The following CAMK1G variants were observed in gnomAD, a reference collection of about 807,000 sequenced individuals.
CAMK1G encodes calcium/calmodulin-dependent protein kinase type 1G.
A neutral mutation model predicts 54.8 loss-of-function variants in CAMK1G; 27 were observed. That is an observed-to-expected ratio of 0.49 (90% CI 0.36 to 0.68). The LOEUF is 0.68. Among genes scored for constraint, CAMK1G ranks in the 30% least tolerant of loss-of-function variants. CAMK1G has a pLI of 0.00. For missense variants in CAMK1G, 512 were observed against 591.0 expected, an observed-to-expected ratio of 0.87 and a Z score of 1.39; for synonymous variants, 238 against 224.9, an observed-to-expected ratio of 1.06 and a Z score of -0.52.
At chr1:209,601,034 G>A (rs1425942011) in intron 3 of CAMK1G, among the ~76,000 whole-genome samples, 1 of 152,206 alleles carries the variant, frequency 6.6e-6, no homozygotes, top group African/African-American at 2.4e-5. Context: ...GATCTTAGAT[G>A]CCATGATAAG....
intron 1 of CAMK1G, among the ~76,000 whole-genome samples, chr1:209,588,761 G>A (rs1337588264): frequency 6.6e-6 from 1 of 152,184 alleles, no homozygotes; most frequent in Non-Finnish European, 1.5e-5. Context: ...AATGAAGCTG[G>A]AAAAGGAGGA....
intron 5 of CAMK1G, 65 bp downstream of exon 5, chr1:209,605,739 G>A: frequency 6.7e-7 from 1 of 1,500,220 alleles, no homozygotes; most frequent in Non-Finnish European, 9.1e-7. Flanking sequence ...CATGGGTCAT[G>A]GGACATCTAA....
chr1:209,594,195 T>C (rs1665324354), intron 1 of CAMK1G, among the ~76,000 whole-genome samples: 3 of 152,178 alleles, frequency 2.0e-5, no homozygotes, highest in Non-Finnish European at 4.4e-5. Context: ...CCCAGGTTTT[T>C]GTCTTTCATA....
intron 7 of CAMK1G, among the ~76,000 whole-genome samples, chr1:209,608,182 G>C (rs1456781255): frequency 6.6e-6 from 1 of 152,112 alleles, no homozygotes; most frequent in Non-Finnish European, 1.5e-5. Flanking sequence ...CCACTGCACA[G>C]CCACCTGGCA....
rs943123731 is a variant in CAMK1G at position 209,613,282 on chromosome 1, C to G, written c.*280C>G. 1.8e-5 allele frequency: 4 copies of G among 221,774 alleles called. 1 individual carries two copies. The highest frequency in any genetic ancestry group is 1.4e-4 in the South Asian group (2 of 14,116). The allele number at this position is 221,774 out of a possible 1,614,324, so 13.7% of individuals were successfully genotyped here. On this transcript the variant is annotated 3_prime_UTR_variant, in exon 13 of 13. Transcript: ENST00000361322. ...TCCAGGTCTCCCTGACCTGCCTGCT[C>G]TATGCCCCACACCCTACGTGCCGTG...
At chr1:209,605,425 G>T in intron 4 of CAMK1G, 111 bp from the exon 5 acceptor site, 2 of 1,309,068 alleles carry the variant, frequency 1.5e-6, no homozygotes, top group Non-Finnish European at 2.1e-6. Context: ...CAGTTCATGG[G>T]GGCCTGCCTG....
At chr1:209,609,160 A>C (rs1571786454) in intron 8 of CAMK1G, 68 bp downstream of exon 8, 1 of 1,593,938 alleles carries the variant, frequency 6.3e-7, no homozygotes, top group Non-Finnish European at 8.6e-7. Context: ...AAATGAGCTT[A>C]ACAAAGGATG....
At chr1:209,590,211 A>G (rs989820585) in intron 1 of CAMK1G, among the ~76,000 whole-genome samples, 17 of 152,206 alleles carry the variant, frequency 1.1e-4, no homozygotes, top group African/African-American at 4.1e-4. Flanking sequence ...AGATTACAGA[A>G]GTCAAGAGAG....
chr1:209,602,353 T>C (rs1314917079), intron 3 of CAMK1G, among the ~76,000 whole-genome samples: 1 of 152,156 alleles, frequency 6.6e-6, no homozygotes, highest in Non-Finnish European at 1.5e-5. Context: ...AGAATCACCA[T>C]CTAAGTCATC....
intron 1 of CAMK1G, among the ~76,000 whole-genome samples, chr1:209,589,060 A>G (rs568313818): frequency 2.1e-4 from 32 of 152,318 alleles, no homozygotes; most frequent in Admixed American, 1.7e-3. Context: ...ACTAGCCCCA[A>G]GGGAGGCAAC....
In CAMK1G at chr1:209,591,839, C is replaced by T. The variant is rs188416824; in HGVS notation, c.-29-3116C>T. The stretch of plus-strand genomic sequence containing the variant: ...CATACTGACATACTCTACTAAAGGC[C>T]CTGATCCCAGCTGTTTGCTTACCTG... On this transcript the variant is annotated intron_variant, in intron 1 of 12. Coordinates refer to ENST00000361322, the MANE Select transcript of CAMK1G (RefSeq NM_020439.3). Among the ~76,000 whole-genome samples, 721 of 152,254 alleles carry T rather than the reference C, an allele frequency of 4.7e-3. 19 individuals are homozygous for T. The highest frequency in any genetic ancestry group is 0.043 in the Admixed American group (662 of 15,286).
intron 1 of CAMK1G, among the ~76,000 whole-genome samples, chr1:209,589,241 C>G (rs1665184838): frequency 6.6e-6 from 1 of 152,192 alleles, no homozygotes. Flanking sequence ...GTAGAATGGT[C>G]AGGAAGAGCC....
intron 1 of CAMK1G, among the ~76,000 whole-genome samples, chr1:209,594,326 C>A (rs921944178): frequency 5.3e-5 from 8 of 152,214 alleles, no homozygotes; most frequent in African/African-American, 1.9e-4. Context: ...TACCCATCGG[C>A]ACCTTGCACA....
At chr1:209,603,526 C>T (rs1252282180) in intron 4 of CAMK1G, among the ~76,000 whole-genome samples, 1 of 152,182 alleles carries the variant, frequency 6.6e-6, no homozygotes, top group Non-Finnish European at 1.5e-5. Flanking sequence ...TGCACCAGGA[C>T]AACCCTATCA....
chr1:209,604,588 TG>T (rs762469486), intron 4 of CAMK1G, among the ~76,000 whole-genome samples: 44 of 152,288 alleles, frequency 2.9e-4, no homozygotes, highest in Non-Finnish European at 5.0e-4. Flanking sequence ...TGGGCATGGA[TG>T]GCCACATCTA....
chr1:209,585,915 C>T (rs556379401), intron 1 of CAMK1G, among the ~76,000 whole-genome samples: 2 of 152,252 alleles, frequency 1.3e-5, no homozygotes, highest in Non-Finnish European at 2.9e-5. Flanking sequence ...GCAGGCGCGC[C>T]GCCACGGTCA....
intron 8 of CAMK1G, among the ~76,000 whole-genome samples, 190 bp from the exon 9 acceptor site, chr1:209,609,661 T>C (rs1665734984): frequency 2.0e-5 from 3 of 152,218 alleles, no homozygotes; most frequent in African/African-American, 7.2e-5. Context: ...GGAGCTTCCC[T>C]TCTTTGGTGG....
intron 6 of CAMK1G, 24 bp downstream of exon 6, chr1:209,606,467 G>T (rs201553423): frequency 1.9e-6 from 3 of 1,610,462 alleles, no homozygotes; most frequent in East Asian, 2.2e-5. Flanking sequence ...CAGGAGGAAG[G>T]TTGACCAGTT....
chr1:209,607,948 G>A lies in CAMK1G; in HGVS notation c.635+15G>A, dbSNP rs371862016. 1.9e-6 allele frequency: 3 copies of A among 1,601,452 alleles called. No homozygotes were observed. The Admixed American group carries it at 5.1e-5, about 27-fold the overall frequency. ...ACCTACATATTGTGAGTAGACGCTGGCCTGGGTTCAGCTGATGAGAAGTCT... is the reference window on the plus strand; with the variant it reads ...ACCTACATATTGTGAGTAGACGCTGACCTGGGTTCAGCTGATGAGAAGTCT... On this transcript the variant is annotated intron_variant, in intron 7 of 12. Coordinates refer to ENST00000361322, the MANE Select transcript of CAMK1G (RefSeq NM_020439.3).
Sources: gnomAD v4.1 joint callset for allele counts (sites outside exome capture counted in the v4.1 genomes callset) on GRCh38, gnomAD v4.1.1 for gene constraint, MANE v1.5 for transcripts, NCBI Gene and HGNC (gene_info 2026-07-23, HGNC 2026-07-21) for gene names.